The following PCBP3 variants were observed in gnomAD, a reference collection of about 807,000 sequenced individuals.
The protein encoded by PCBP3 is poly(rC) binding protein 3.
In PCBP3, 25 loss-of-function variants were observed where a neutral mutation model predicts 52.7. The ratio of observed to expected loss-of-function variants is 0.47; its 90% CI spans 0.35 to 0.66. The LOEUF is 0.66. Among genes scored for constraint, PCBP3 ranks in the 30% least tolerant of loss-of-function variants. The pLI is 0.01. For missense variants in PCBP3, 391 were observed against 490.3 expected (o/e 0.80, Z 1.91); for synonymous variants, 162 against 183.0 (o/e 0.89, Z 0.93).
intron 4 of PCBP3, chr21:45,759,730 T>C (rs1357075667): frequency 6.6e-6 from 1 of 152,216 alleles, no homozygotes; most frequent in Non-Finnish European, 1.5e-5. Flanking sequence ...ACATTTGGAA[T>C]AATGGTTAAC....
chr21:45,695,974 G>A (rs2082741126), intron 2 of PCBP3, among the ~76,000 whole-genome samples: 1 of 150,170 alleles, frequency 6.7e-6, no homozygotes, highest in Non-Finnish European at 1.5e-5. Flanking sequence ...AGCCACTCAG[G>A]AGGCTGAGGC....
intron 4 of PCBP3, among the ~76,000 whole-genome samples, chr21:45,776,482 C>T (rs1454836826): frequency 1.3e-5 from 2 of 151,676 alleles, no homozygotes; most frequent in African/African-American, 2.4e-5. Context: ...CTCTCTCTCT[C>T]TCTCTCTCTC....
chr21:45,802,873 T>C lies in PCBP3; in HGVS notation c.-125-47088T>C, dbSNP rs928614796. 7.2e-5 allele frequency among the ~76,000 whole-genome samples: 11 copies of C among 152,220 alleles called. No homozygotes were observed. Among genetic ancestry groups the C allele is most frequent in the African/African-American group, 2.7e-4 (11 of 41,458 alleles). On this transcript the variant is annotated intron_variant, in intron 4 of 17. Transcript: ENST00000681687. This position sits in a 1 kb window ranked among gnomAD's most constrained non-coding sequence, Gnocchi z 5.1. ...AGGGAAAAGCTTTTAACCCTTGTCG[T>C]GTATAAACGACTCACTAGGTCTTGG...
intron 4 of PCBP3, among the ~76,000 whole-genome samples, chr21:45,822,596 G>A (rs898907906): frequency 1.3e-4 from 20 of 151,478 alleles, no homozygotes; most frequent in Admixed American, 3.9e-4. Flanking sequence ...GCAAGGGGCG[G>A]ACCCAGCACA....
At chr21:45,654,035 T>C (rs1440112915) in intron 1 of PCBP3, among the ~76,000 whole-genome samples, 1 of 152,186 alleles carries the variant, frequency 6.6e-6, no homozygotes, top group East Asian at 1.9e-4. Context: ...CAGATTCATA[T>C]GTGCTTATTA....
rs184926718 is a variant in PCBP3, at chr21:45,803,152, G to A, written c.-125-46809G>A. Among the ~76,000 whole-genome samples, 203 of 152,256 alleles carry A rather than the reference G, an allele frequency of 1.3e-3. 1 individual carries two copies. The highest frequency in any genetic ancestry group is 1.5e-3 in the East Asian group (8 of 5,188). On this transcript the variant is annotated intron_variant, in intron 4 of 17. Coordinates refer to ENST00000681687, the MANE Select transcript of PCBP3 (RefSeq NM_001384156.1). ...GGTGTGCCTGCAGCTGTGTGGGTGC[G>A]TCCCCTCCTCACTTTCTCAGCAGAG... is the stretch of plus-strand genomic sequence containing the variant.
In PCBP3 at chr21:45,870,312, C is replaced by T. The variant is rs377583798; in HGVS notation, c.10+20217C>T. 2.1e-4 allele frequency among the ~76,000 whole-genome samples: 32 copies of T among 152,250 alleles called. No individual in the cohort carries two copies. In the South Asian group the frequency reaches 5.8e-3, roughly 28 times the overall value. On this transcript the variant is annotated intron_variant, in intron 5 of 17. Coordinates refer to ENST00000681687, the MANE Select transcript of PCBP3 (RefSeq NM_001384156.1). Reference sequence around the variant, plus strand: ...TTGTCATATTCTTAAAATATTAAGACGCTGAAAGAAATGATTTGCTAATCT... The same window carrying T: ...TTGTCATATTCTTAAAATATTAAGATGCTGAAAGAAATGATTTGCTAATCT...
At chr21:45,727,157 A>G (rs1347371074) in intron 2 of PCBP3, among the ~76,000 whole-genome samples, 1 of 152,214 alleles carries the variant, frequency 6.6e-6, no homozygotes. Flanking sequence ...AGTTTTGACT[A>G]TTACATTTAA....
At chr21:45,646,208 A>G (rs1603056888) in intron 1 of PCBP3, among the ~76,000 whole-genome samples, 1 of 151,476 alleles carries the variant, frequency 6.6e-6, no homozygotes. Flanking sequence ...TTCAGAATTC[A>G]TATTATTAAA....
At chr21:45,655,307 C>T (rs1016809243) in intron 1 of PCBP3, among the ~76,000 whole-genome samples, 2 of 151,454 alleles carry the variant, frequency 1.3e-5, no homozygotes, top group Non-Finnish European at 2.9e-5. Context: ...GCAACATCTT[C>T]GGGAAACAAT....
chr21:45,668,800 T>C (rs1460932748), intron 1 of PCBP3, 74 bp from the exon 2 acceptor site: 1 of 152,206 alleles, frequency 6.6e-6, no homozygotes, highest in Non-Finnish European at 1.5e-5. Context: ...TTCACTGATA[T>C]CACACTCTCA....
At chr21:45,792,460 G>A (rs1165729211) in intron 4 of PCBP3, among the ~76,000 whole-genome samples, 8 of 152,226 alleles carry the variant, frequency 5.3e-5, no homozygotes, top group African/African-American at 1.9e-4. Flanking sequence ...CTTAAATAGA[G>A]TTTTCTTTTT....
rs181527919 is a variant in PCBP3 at position 45,875,414 on chromosome 21, C to T, written c.11-20794C>T. Among the ~76,000 whole-genome samples the T allele has an allele frequency of 2.3e-3, 356 of 152,358 alleles. 2 individuals are homozygous for T. The highest frequency in any genetic ancestry group is 8.2e-3 in the African/African-American group (341 of 41,594). On this transcript the variant is annotated intron_variant, in intron 5 of 17. Coordinates refer to ENST00000681687, the MANE Select transcript of PCBP3 (RefSeq NM_001384156.1). Reference sequence around the variant, plus strand: ...AGGCCCAGTACTCGCCTTGCTGCTGCTTTTCACCCCCTGCACCATGGGGAT... The same window carrying T: ...AGGCCCAGTACTCGCCTTGCTGCTGTTTTTCACCCCCTGCACCATGGGGAT...
rs200953323 is a variant in PCBP3, at chr21:45,798,018, A to T, written c.-126+42566A>T. Among the ~76,000 whole-genome samples the T allele has an allele frequency of 1.5e-3, 201 of 134,704 alleles. 1 individual carries two copies. The East Asian group carries it at 0.038, about 25-fold the overall frequency. 88.4% of individuals were successfully genotyped at this position (134,704 alleles called of 152,430 possible). The stretch of plus-strand genomic sequence containing the variant: ...ATGGATCTGTAGAGAGAGTGAATGG[A>T]TGCGTACATGGATGAATGCATGGAT... On this transcript the variant is annotated intron_variant, in intron 4 of 17. Coordinates refer to ENST00000681687, the MANE Select transcript of PCBP3 (RefSeq NM_001384156.1).
At chr21:45,696,079 C>CA (rs71185164) in intron 2 of PCBP3, among the ~76,000 whole-genome samples, 8,086 of 39,480 alleles carry the variant, frequency 0.2, 1,596 homozygotes, top group Non-Finnish European at 0.25. Context: ...GACTCTGTCT[C>CA]AAAAAAAAAA....
intron 2 of PCBP3, among the ~76,000 whole-genome samples, chr21:45,705,295 A>C (rs1055635828): frequency 6.6e-6 from 1 of 151,956 alleles, no homozygotes. Flanking sequence ...TTGAGGCCCC[A>C]CCCTTGTGAG....
At chr21:45,711,725 G>A (rs1328680760) in intron 2 of PCBP3, among the ~76,000 whole-genome samples, 1 of 152,178 alleles carries the variant, frequency 6.6e-6, no homozygotes, top group Non-Finnish European at 1.5e-5. Context: ...TTTTAATACA[G>A]TTAGATTGTT....
chr21:45,677,541 T>C (rs1389836027), intron 2 of PCBP3, among the ~76,000 whole-genome samples: 1 of 152,238 alleles, frequency 6.6e-6, no homozygotes, highest in Non-Finnish European at 1.5e-5. Flanking sequence ...TGAAGGTAGC[T>C]ACACTAAGGA....
intron 5 of PCBP3, among the ~76,000 whole-genome samples, chr21:45,878,146 G>A (rs968634400): frequency 6.6e-6 from 1 of 152,262 alleles, no homozygotes; most frequent in Non-Finnish European, 1.5e-5. Context: ...GCGATCCTGT[G>A]GCAGCAGTGG....
Sources: gnomAD v4.1 joint callset for allele counts (sites outside exome capture counted in the v4.1 genomes callset) on GRCh38, gnomAD v4.1.1 for gene constraint, Gnocchi (gnomAD v3.1) non-coding constraint, MANE v1.5 for transcripts, NCBI Gene and HGNC (gene_info 2026-07-23, HGNC 2026-07-21) for gene names.